The following ASTN2 variants were observed in gnomAD, a reference collection of about 807,000 sequenced individuals.
ASTN2 encodes the protein astrotactin-2.
Under a neutral mutation model 139.8 loss-of-function variants are expected in ASTN2, and 54 were observed. The observed-to-expected ratio is 0.39, with a 90% CI of 0.31 to 0.48. The LOEUF (loss-of-function observed/expected upper bound fraction) is 0.48. ASTN2 is among the 20% of genes least tolerant of loss of function. ASTN2 has a pLI of 0.95. For synonymous variants in ASTN2, 756 were observed against 719.5 expected (o/e 1.05, Z -0.81); for missense variants, 1,565 against 1,725.1 (o/e 0.91, Z 1.64).
At chr9:116,569,520 T>C (rs893141652) in intron 19 of ASTN2, among the ~76,000 whole-genome samples, 3 of 152,220 alleles carry the variant, frequency 2.0e-5, no homozygotes, top group Admixed American at 6.5e-5. Flanking sequence ...CTGCTGTTTA[T>C]CTGAAAATTC....
At chr9:117,049,424 T>C (rs1483501732) in intron 5 of ASTN2, among the ~76,000 whole-genome samples, 1 of 152,208 alleles carries the variant, frequency 6.6e-6, no homozygotes, top group Non-Finnish European at 1.5e-5. Context: ...ATTAAGACAT[T>C]GCAGAACCAC....
Position 117,350,410 on chromosome 9 carries a change from C to T in ASTN2, c.443-58897G>A, listed in dbSNP as rs150536644. ...TTAAAAATACAAAAAATTAGCCAAGCGTGGTCGTGGGCACCTGTAATCCCA... is the reference window on the plus strand; with the variant it reads ...TTAAAAATACAAAAAATTAGCCAAGTGTGGTCGTGGGCACCTGTAATCCCA... On this transcript the variant is annotated intron_variant, in intron 1 of 22. Transcript: ENST00000313400. Among the ~76,000 whole-genome samples, 1,104 of 151,894 alleles carry T rather than the reference C, an allele frequency of 7.3e-3. 19 individuals are homozygous for T. Among genetic ancestry groups the T allele is most frequent in the African/African-American group, 0.025 (1,051 of 41,394 alleles).
At chr9:117,400,699 A>G (rs376550126) in intron 1 of ASTN2, among the ~76,000 whole-genome samples, 4 of 152,192 alleles carry the variant, frequency 2.6e-5, no homozygotes, top group East Asian at 1.9e-4. Flanking sequence ...GGAAAGGAGA[A>G]AGCTTTAACT....
intron 3 of ASTN2, among the ~76,000 whole-genome samples, chr9:117,149,855 T>C (rs979843952): frequency 3.3e-5 from 5 of 152,342 alleles, no homozygotes; most frequent in African/African-American, 9.6e-5. Flanking sequence ...AATTGATGGA[T>C]TGAATTTTCT....
At chr9:117,040,961 T>A (rs976192219) in intron 5 of ASTN2, among the ~76,000 whole-genome samples, 3 of 152,188 alleles carry the variant, frequency 2.0e-5, no homozygotes, top group African/African-American at 7.2e-5. Context: ...TCTTCAGGAT[T>A]TTATAGGCTA....
intron 10 of ASTN2, among the ~76,000 whole-genome samples, chr9:116,925,833 C>T (rs992050932): frequency 6.6e-6 from 1 of 150,380 alleles, no homozygotes; most frequent in African/African-American, 2.4e-5. Context: ...CCCTGTCCTG[C>T]CCCCATATGC....
chr9:116,491,343 T>C (rs967100821), intron 19 of ASTN2, among the ~76,000 whole-genome samples: 1 of 152,216 alleles, frequency 6.6e-6, no homozygotes, highest in Non-Finnish European at 1.5e-5. Flanking sequence ...AAAAGGAAGA[T>C]AGCTGAGATT....
At chr9:116,627,893 TTAA>T (rs1418893213) in intron 17 of ASTN2, among the ~76,000 whole-genome samples, 7 of 152,206 alleles carry the variant, frequency 4.6e-5, no homozygotes, top group African/African-American at 1.7e-4. Flanking sequence ...TATTAACTCA[TTAA>T]ATTTTCCCAA....
intron 13 of ASTN2, among the ~76,000 whole-genome samples, chr9:116,798,635 G>C (rs1001557889): frequency 1.3e-5 from 2 of 152,214 alleles, no homozygotes; most frequent in African/African-American, 4.8e-5. Context: ...TGCATCATAA[G>C]ATAGCATGTC....
intron 2 of ASTN2, among the ~76,000 whole-genome samples, chr9:117,234,064 G>A (rs186351174): frequency 6.6e-6 from 1 of 152,146 alleles, no homozygotes. Context: ...GCAACAGGAG[G>A]GTGACTTTGG....
intron 16 of ASTN2, among the ~76,000 whole-genome samples, chr9:116,719,643 C>A (rs1828417020): frequency 6.6e-6 from 1 of 152,094 alleles, no homozygotes; most frequent in African/African-American, 2.4e-5. Context: ...TAAAGTAGAA[C>A]TCATCAGTGT....
At chr9:117,354,219 C>CA (rs1384876284) in intron 1 of ASTN2, among the ~76,000 whole-genome samples, 1 of 152,038 alleles carries the variant, frequency 6.6e-6, no homozygotes, top group East Asian at 1.9e-4. Flanking sequence ...AAACTACCCC[C>CA]AAAAATGAAA....
chr9:116,437,975 C>T (rs908206506), intron 22 of ASTN2, among the ~76,000 whole-genome samples: 1 of 152,194 alleles, frequency 6.6e-6, no homozygotes, highest in Admixed American at 6.5e-5. Context: ...GAGCTCAAGG[C>T]AGAACTGGCC....
At chr9:116,891,095 T>C (rs560895340) in intron 10 of ASTN2, among the ~76,000 whole-genome samples, 2 of 152,304 alleles carry the variant, frequency 1.3e-5, no homozygotes, top group Non-Finnish European at 2.9e-5. Context: ...AATGTATTCA[T>C]TGTTCAGTGT....
At chr9:116,983,396 T>C (rs894432459) in intron 7 of ASTN2, among the ~76,000 whole-genome samples, 4 of 152,184 alleles carry the variant, frequency 2.6e-5, no homozygotes, top group African/African-American at 7.2e-5. Context: ...AGGAGGAAGG[T>C]ACTGATGCCC....
intron 19 of ASTN2, among the ~76,000 whole-genome samples, chr9:116,527,684 A>G (rs1851152818): frequency 6.6e-6 from 1 of 152,070 alleles, no homozygotes; most frequent in South Asian, 2.1e-4. Flanking sequence ...CCCCACACAA[A>G]TCTCATCTCA....
Position 117,214,599 on chromosome 9 carries a change from C to T in ASTN2, c.774G>A (p.Val258=). ...TCTCCCGCGCCTGGGGACCCAGCAG[C>T]ACAGATGGGATGTAGTGGATCTCAT... ...ATHEIHYIPS[V]LLGPQARESF... is the part of the protein sequence containing the mutation. The change falls in exon 3 of 23, where the codon GTG becomes GTA. Residue 258 remains valine (V), a synonymous_variant. Coordinates refer to ENST00000313400, the MANE Select transcript of ASTN2 (RefSeq NM_001365068.1). 3 of 1,604,262 alleles carry T rather than the reference C, an allele frequency of 1.9e-6. No homozygotes were observed. Among genetic ancestry groups the T allele is most frequent in the Middle Eastern group, 1.7e-4 (1 of 6,020 alleles).
intron 10 of ASTN2, among the ~76,000 whole-genome samples, chr9:116,943,595 G>A (rs1388172513): frequency 6.6e-6 from 1 of 152,174 alleles, no homozygotes; most frequent in Non-Finnish European, 1.5e-5. Flanking sequence ...GCAGATTCAT[G>A]TTCTGGATGC....
intron 19 of ASTN2, among the ~76,000 whole-genome samples, chr9:116,545,192 C>T (rs1852040599): frequency 6.6e-6 from 1 of 152,174 alleles, no homozygotes; most frequent in Admixed American, 6.5e-5. Flanking sequence ...CTGCCTGGGG[C>T]CATTGGCTTG....
Sources: allele counts gnomAD v4.1 joint callset (sites outside exome capture counted in the v4.1 genomes callset), GRCh38; gene constraint gnomAD v4.1.1; transcripts MANE v1.5; gene names NCBI Gene and HGNC (gene_info 2026-07-23, HGNC 2026-07-21).